MAGI1: variants seen among roughly 807,000 people sequenced by gnomAD.
MAGI1 encodes the protein membrane associated guanylate kinase, WW and PDZ domain containing 1.
Under a neutral mutation model 139.9 loss-of-function variants are expected in MAGI1, and 58 were observed. The observed-to-expected ratio is 0.41, with a 90% CI of 0.34 to 0.52. The LOEUF (loss-of-function observed/expected upper bound fraction) is 0.52. Among genes scored for constraint, MAGI1 ranks in the 20% least tolerant of loss-of-function variants. The pLI is 0.12. For synonymous variants in MAGI1, 812 were observed against 737.9 expected (o/e 1.10, Z -1.63); for missense variants, 1,874 against 1,901.6 (o/e 0.99, Z 0.27).
chr3:65,787,969 T>C (rs2039511905), intron 1 of MAGI1, among the ~76,000 whole-genome samples: 1 of 152,194 alleles, frequency 6.6e-6, no homozygotes. Flanking sequence ...AAAGTTTATT[T>C]AGTCTTGATC....
intron 2 of MAGI1, among the ~76,000 whole-genome samples, chr3:65,617,136 C>T (rs1469520366): frequency 6.6e-6 from 1 of 152,198 alleles, no homozygotes; most frequent in Non-Finnish European, 1.5e-5. Context: ...GTAATCCCTC[C>T]GTAAAGTCCT....
intron 1 of MAGI1, among the ~76,000 whole-genome samples, chr3:65,797,125 A>C (rs1233804148): frequency 6.6e-6 from 1 of 152,164 alleles, no homozygotes. Context: ...AGTCACTTTT[A>C]AGTGTTTGGA....
At chr3:65,763,688 G>T (rs926608507) in intron 1 of MAGI1, among the ~76,000 whole-genome samples, 2 of 151,676 alleles carry the variant, frequency 1.3e-5, no homozygotes, top group African/African-American at 4.8e-5. Flanking sequence ...TACACTAATG[G>T]TAACAAAATA....
chr3:65,368,819 T>A (rs1178258214), intron 18 of MAGI1, among the ~76,000 whole-genome samples: 1 of 152,198 alleles, frequency 6.6e-6, no homozygotes, highest in Non-Finnish European at 1.5e-5. Flanking sequence ...ATCAGAGTGA[T>A]CTGAAGTGCA....
chr3:65,440,368 T>C (rs546522616), intron 8 of MAGI1, among the ~76,000 whole-genome samples: 1 of 152,286 alleles, frequency 6.6e-6, no homozygotes, highest in Admixed American at 6.5e-5. Flanking sequence ...GAAACAGGCA[T>C]GCAAGCTCAG....
At chr3:65,712,774 A>G (rs2031663433) in intron 1 of MAGI1, among the ~76,000 whole-genome samples, 1 of 152,222 alleles carries the variant, frequency 6.6e-6, no homozygotes, top group Non-Finnish European at 1.5e-5. Flanking sequence ...GGTCTCCCAA[A>G]GAAATTGTTT....
At chr3:65,757,587 A>C (rs1257905758) in intron 1 of MAGI1, among the ~76,000 whole-genome samples, 1 of 152,168 alleles carries the variant, frequency 6.6e-6, no homozygotes, top group Admixed American at 6.5e-5. Flanking sequence ...GCAGTGAGCC[A>C]AGATCACACC....
chr3:65,927,117 G>A (rs1039192793), intron 1 of MAGI1, among the ~76,000 whole-genome samples: 2 of 152,168 alleles, frequency 1.3e-5, no homozygotes, highest in African/African-American at 4.8e-5. Flanking sequence ...CCATAAAGAT[G>A]GGCAACCGGC....
chr3:65,577,940 T>C (rs1208248007), intron 2 of MAGI1, among the ~76,000 whole-genome samples: 1 of 152,214 alleles, frequency 6.6e-6, no homozygotes, highest in Non-Finnish European at 1.5e-5. Flanking sequence ...TCTGTCTCTC[T>C]TTCTCTCTCT....
intron 17 of MAGI1, among the ~76,000 whole-genome samples, chr3:65,377,532 C>T (rs1049787300): frequency 6.6e-6 from 1 of 152,190 alleles, no homozygotes; most frequent in African/African-American, 2.4e-5. Context: ...TTTGCTATTT[C>T]TTTCTAGAAG....
chr3:65,909,068 G>A (rs939771961), intron 1 of MAGI1, among the ~76,000 whole-genome samples: 1 of 152,164 alleles, frequency 6.6e-6, no homozygotes, highest in African/African-American at 2.4e-5. Context: ...AAGTTAAGGT[G>A]TGTCTATGAC....
At chr3:66,000,463 T>G (rs896130086) in intron 1 of MAGI1, among the ~76,000 whole-genome samples, 1 of 152,120 alleles carries the variant, frequency 6.6e-6, no homozygotes, top group African/African-American at 2.4e-5. Context: ...AAAAAAAAAT[T>G]TTTAAACCTA....
chr3:65,360,923 C>A (rs191171108), intron 22 of MAGI1: 6 of 1,379,302 alleles, frequency 4.4e-6, no homozygotes, highest in African/African-American at 2.9e-5. Context: ...AACATTCCTT[C>A]GCTCTTGGTC....
At chr3:65,794,742 G>A (rs2040009977) in intron 1 of MAGI1, among the ~76,000 whole-genome samples, 1 of 151,608 alleles carries the variant, frequency 6.6e-6, no homozygotes, top group Non-Finnish European at 1.5e-5. Flanking sequence ...AGAATCTGAG[G>A]AGCCCCACGA....
At chr3:65,419,326 T>C (rs183827764) in intron 12 of MAGI1, among the ~76,000 whole-genome samples, 1 of 152,192 alleles carries the variant, frequency 6.6e-6, no homozygotes. Flanking sequence ...CATGCGTGGG[T>C]ATACACACAC....
At chr3:65,651,522 T>C (rs1280350099) in intron 1 of MAGI1, among the ~76,000 whole-genome samples, 2 of 152,128 alleles carry the variant, frequency 1.3e-5, no homozygotes, top group Non-Finnish European at 2.9e-5. Flanking sequence ...CCTTTCCCTG[T>C]ATATTGCGGC....
chr3:65,862,990 C>G (rs1028268065), intron 1 of MAGI1, among the ~76,000 whole-genome samples: 1 of 152,166 alleles, frequency 6.6e-6, no homozygotes, highest in Non-Finnish European at 1.5e-5. Context: ...AAGGTCTCCC[C>G]TAATCCAGGC....
At chr3:65,480,683 T>G (rs192570258) in intron 3 of MAGI1, among the ~76,000 whole-genome samples, 2 of 151,074 alleles carry the variant, frequency 1.3e-5, no homozygotes, top group Non-Finnish European at 2.9e-5. Context: ...CCTCCCAGGT[T>G]CAAGCGATTC....
intron 2 of MAGI1, among the ~76,000 whole-genome samples, chr3:65,577,877 G>C (rs2081242371): frequency 6.6e-6 from 1 of 152,194 alleles, no homozygotes; most frequent in South Asian, 2.1e-4. Context: ...AAGGCAGGCA[G>C]AATCAACCAC....
Sources: allele counts gnomAD v4.1 joint callset (sites outside exome capture counted in the v4.1 genomes callset), GRCh38; gene constraint gnomAD v4.1.1; transcripts MANE v1.5; gene names NCBI Gene and HGNC (gene_info 2026-07-23, HGNC 2026-07-21).